IL5RA: variants seen among roughly 807,000 people sequenced by gnomAD.
The protein encoded by IL5RA is interleukin-5 receptor subunit alpha.
In IL5RA, 49 loss-of-function variants were observed where a neutral mutation model predicts 50.0. That is an observed-to-expected ratio of 0.98 (90% confidence interval 0.78 to 1.24). The LOEUF is 1.24. Ranked by LOEUF, IL5RA falls within the 50% of genes most tolerant of loss-of-function variation. IL5RA has a pLI of 0.00. For synonymous variants in IL5RA, 202 were observed against 174.0 expected (o/e 1.16, Z -1.26); for missense variants, 600 against 500.4 (o/e 1.20, Z -1.90).
At chr3:3,109,055 T>C (rs189806546) in intron 1 of IL5RA, among the ~76,000 whole-genome samples, 1 of 152,346 alleles carries the variant, frequency 6.6e-6, no homozygotes, top group Non-Finnish European at 1.5e-5. Context: ...ATTATTCACA[T>C]GGCTATAAAA....
intron 3 of IL5RA, among the ~76,000 whole-genome samples, chr3:3,103,591 A>T (rs967537935): frequency 2.6e-5 from 4 of 152,260 alleles, no homozygotes; most frequent in Non-Finnish European, 5.9e-5. Context: ...ATAGGGCTTT[A>T]CAGAAAGAAA....
rs1219719546 is a variant in IL5RA at position 3,070,803 on chromosome 3, G to A, written c.1177-492C>T. Among the ~76,000 whole-genome samples the A allele has an allele frequency of 1.6e-4, 24 of 151,680 alleles. No individual in the cohort carries two copies. The East Asian group carries it at 2.7e-3, about 17-fold the overall frequency. On this transcript the variant is annotated intron_variant, in intron 11 of 11. Coordinates refer to ENST00000446632, the MANE Select transcript of IL5RA (RefSeq NM_175726.4). The stretch of plus-strand genomic sequence containing the variant: ...TCACCATGTTGGCCAGGCTGGTCTC[G>A]AACTCTTGACCTTGTGATCCCCCCG...
At chr3:3,090,053 G>C in intron 9 of IL5RA, 1 of 626,374 alleles carries the variant, frequency 1.6e-6, no homozygotes, top group Non-Finnish European at 2.7e-6. Flanking sequence ...CCACTTGTTG[G>C]CCATGCAGAA....
At chr3:3,093,546 C>G (rs1419006835) in intron 8 of IL5RA, among the ~76,000 whole-genome samples, 1 of 152,194 alleles carries the variant, frequency 6.6e-6, no homozygotes, top group Admixed American at 6.5e-5. Flanking sequence ...TATAAAAACA[C>G]ACGCACACAC....
chr3:3,078,796 T>G (rs1203513445), intron 9 of IL5RA, among the ~76,000 whole-genome samples: 1 of 148,694 alleles, frequency 6.7e-6, no homozygotes, highest in African/African-American at 2.5e-5. Flanking sequence ...ATCCCGCCAC[T>G]GCACTCCAGC....
chr3:3,093,705 C>G (rs1277430536), intron 8 of IL5RA, among the ~76,000 whole-genome samples: 1 of 152,212 alleles, frequency 6.6e-6, no homozygotes, highest in Non-Finnish European at 1.5e-5. Flanking sequence ...GCCCACACCC[C>G]CATCTCTAGC....
intron 11 of IL5RA, among the ~76,000 whole-genome samples, chr3:3,072,202 T>C (rs1029737917): frequency 6.6e-6 from 1 of 152,210 alleles, no homozygotes; most frequent in African/African-American, 2.4e-5. Context: ...CTGCACTGGC[T>C]CTCATCCCCT....
chr3:3,073,513 G>T (rs1408974709), intron 11 of IL5RA, among the ~76,000 whole-genome samples: 2 of 152,160 alleles, frequency 1.3e-5, no homozygotes, highest in East Asian at 3.8e-4. Flanking sequence ...GAAACCATTT[G>T]TCCCTCAAAT....
In IL5RA at chr3:3,074,886, G is replaced by A. The variant is rs1292108929; in HGVS notation, c.1092-20C>T. On this transcript the variant is annotated intron_variant, in intron 10 of 11. Transcript: ENST00000446632. ...TGACATCTGAAAACAGAGTAAAGAA[G>A]GAATTAGGTGAGCATGAGTATACCT... is the stretch of plus-strand genomic sequence containing the variant. 2 of 1,463,326 alleles carry A rather than the reference G, an allele frequency of 1.4e-6. No homozygotes were observed. The highest frequency in any genetic ancestry group is 1.9e-6 in the Non-Finnish European group (2 of 1,042,974). The allele number at this position is 1,463,326 out of a possible 1,614,324, so 90.6% of individuals were successfully genotyped here. A position where few individuals can be genotyped will look rare whatever the true frequency, so the allele number is the denominator to read the frequency against.
chr3:3,092,260 C>G lies in IL5RA; in HGVS notation c.958G>C (p.Gly320Arg), dbSNP rs781751944. 1.5e-5 allele frequency: 24 copies of G among 1,614,128 alleles called. No individual in the cohort carries two copies. Among genetic ancestry groups the G allele is most frequent in the Non-Finnish European group, 2.0e-5 (24 of 1,180,034 alleles). The change falls in exon 9 of 12, where the codon GGG becomes CGG. Residue 320 changes from glycine (G) to arginine (R), a missense_variant. Transcript: ENST00000446632. The surrounding 1 kb of genome is among the most constrained non-coding windows in gnomAD (Gnocchi z 4.2). Reference sequence around the variant, plus strand: ...GGTTGGCTCCACTCACTCCAGAGCCCTGCCTCTCTGCACATGGAGCTCACT... The same window carrying G: ...GGTTGGCTCCACTCACTCCAGAGCCGTGCCTCTCTGCACATGGAGCTCACT... ...AAVSSMCREA[G>R]LWSEWSQPIY...
chr3:3,080,178 C>A (rs547756540), intron 9 of IL5RA, among the ~76,000 whole-genome samples: 1 of 152,194 alleles, frequency 6.6e-6, no homozygotes, highest in Non-Finnish European at 1.5e-5. Context: ...TTTTTGCATT[C>A]GCTTTTTCTG....
intron 9 of IL5RA, chr3:3,090,066 G>T: frequency 4.1e-6 from 3 of 727,620 alleles, no homozygotes; most frequent in Non-Finnish European, 6.8e-6. Flanking sequence ...ATGCAGAACA[G>T]AGTTAAGCCA....
intron 9 of IL5RA, among the ~76,000 whole-genome samples, chr3:3,078,284 T>C (rs1225300906): frequency 6.6e-6 from 1 of 152,152 alleles, no homozygotes; most frequent in East Asian, 1.9e-4. Context: ...ATCATTCAAG[T>C]GACAGGAAGG....
intron 9 of IL5RA, 23 bp from the exon 10 acceptor site, chr3:3,076,650 C>CA (rs1391344992): frequency 2.7e-6 from 4 of 1,479,348 alleles, no homozygotes; most frequent in Non-Finnish European, 3.8e-6. Flanking sequence ...AAAAAAGAAA[C>CA]AAAAAAATAT....
chr3:3,102,041 A>C (rs1435971595), intron 4 of IL5RA, among the ~76,000 whole-genome samples: 3 of 152,254 alleles, frequency 2.0e-5, no homozygotes, highest in Non-Finnish European at 4.4e-5. Flanking sequence ...TGTAAATACA[A>C]GCGAAATATT....
intron 5 of IL5RA, among the ~76,000 whole-genome samples, chr3:3,100,602 A>C (rs1703600458): frequency 6.6e-6 from 1 of 152,226 alleles, no homozygotes; most frequent in Non-Finnish European, 1.5e-5. Flanking sequence ...CTTGGTTCAA[A>C]ACAGAAATAA....
intron 9 of IL5RA, among the ~76,000 whole-genome samples, chr3:3,086,461 G>T (rs1702865578): frequency 6.6e-6 from 1 of 152,106 alleles, no homozygotes; most frequent in Admixed American, 6.6e-5. Flanking sequence ...TGTAAAAATT[G>T]GGAAGTTAGC....
In IL5RA at chr3:3,102,710, A is replaced by G; in HGVS notation, c.193T>C (p.Tyr65His). The change falls in exon 4 of 12, where the codon TAT (tyrosine) becomes CAT (histidine). Residue 65 changes from tyrosine (Y) to histidine (H), a missense_variant. Physicochemically the swap from Tyr to His is moderately conservative, Grantham distance 83. Coordinates refer to ENST00000446632, the MANE Select transcript of IL5RA (RefSeq NM_175726.4). The stretch of plus-strand genomic sequence containing the variant: ...TTTGGAGCGTTTATTTTCACTTGAT[A>G]TTCTAGATTAACATTCCTTTGCTCT... ...DQEQRNVNLE[Y>H]QVKINAPKED... The G allele has an allele frequency of 6.2e-7, 1 of 1,606,466 alleles. No homozygotes were observed. Among genetic ancestry groups the G allele is most frequent in the Non-Finnish European group, 8.5e-7 (1 of 1,175,080 alleles).
At position 3,071,551 on chromosome 3, in the gene IL5RA, CAG is replaced by C. The variant is rs1491467665; in HGVS notation, c.1177-1242_1177-1241del. 3.2e-3 allele frequency among the ~76,000 whole-genome samples: 403 copies of C among 126,478 alleles called. 2 individuals carry two copies. Among genetic ancestry groups the C allele is most frequent in the African/African-American group, 0.011 (370 of 33,108 alleles). 83.0% of individuals were successfully genotyped at this position (126,478 alleles called of 152,430 possible). ...GCTAAAGGCCAACTTTCTTCCTTCA[CAG>C]TGTGTGTGTGTGTGTGTGTGTGTGT... On this transcript the variant is annotated intron_variant, in intron 11 of 11. Transcript: ENST00000446632.
Sources: allele counts gnomAD v4.1 joint callset (sites outside exome capture counted in the v4.1 genomes callset), GRCh38; gene constraint gnomAD v4.1.1; non-coding constraint Gnocchi (gnomAD v3.1); transcripts MANE v1.5; gene names NCBI Gene and HGNC (gene_info 2026-07-23, HGNC 2026-07-21).